The following PACS1 variants were observed in gnomAD, a reference collection of about 807,000 sequenced individuals.
PACS1 encodes the protein PACS-1.
In PACS1, 24 loss-of-function variants were observed where a neutral mutation model predicts 115.0. The ratio of observed to expected loss-of-function variants is 0.21; its 90% CI spans 0.15 to 0.29. The LOEUF is 0.29. PACS1 is among the 10% of genes least tolerant of loss of function. The pLI is 1.00. For synonymous variants in PACS1, 453 were observed against 504.5 expected, an observed-to-expected ratio of 0.90 and a Z score of 1.37; for missense variants, 838 against 1,251.2, an observed-to-expected ratio of 0.67 and a Z score of 4.98.
At chr11:66,123,511 T>A (rs536562664) in intron 1 of PACS1, among the ~76,000 whole-genome samples, 18 of 148,802 alleles carry the variant, frequency 1.2e-4, no homozygotes, top group Non-Finnish European at 2.2e-4. Flanking sequence ...ATTTTTATTT[T>A]TTTATTTTAT....
chr11:66,120,447 C>A (rs1858412252), intron 1 of PACS1, among the ~76,000 whole-genome samples: 1 of 152,102 alleles, frequency 6.6e-6, no homozygotes, highest in African/African-American at 2.4e-5. Context: ...TGTGAAATAG[C>A]TGGATTTAGG....
chr11:66,105,384 T>C (rs758718090), intron 1 of PACS1, among the ~76,000 whole-genome samples: 2 of 152,052 alleles, frequency 1.3e-5, no homozygotes, highest in Non-Finnish European at 2.9e-5. Context: ...GACTGCGCCA[T>C]TGCACTCCAT....
rs1266648431 is a variant in PACS1 at position 66,211,112 on chromosome 11, G to A, written c.535-22G>A. The A allele has an allele frequency of 9.9e-6, 16 of 1,612,178 alleles. 1 individual carries two copies. Among genetic ancestry groups the A allele is most frequent in the African/African-American group, 2.7e-5 (2 of 74,880 alleles). ...ACCCAGCTGCCCATTAACCACGCTC[G>A]ACTCTGTTTTGTATTTCGTAGTACC... is the stretch of plus-strand genomic sequence containing the variant. On this transcript the variant is annotated intron_variant, in intron 3 of 23. Transcript: ENST00000320580.
chr11:66,211,048 A>G, intron 3 of PACS1, 86 bp from the exon 4 acceptor site: 1 of 1,460,658 alleles, frequency 6.8e-7, no homozygotes, highest in Non-Finnish European at 9.5e-7. Flanking sequence ...GAAGAATTGA[A>G]GCACAGAAAG....
chr11:66,242,537 A>G (rs1490607633), intron 22 of PACS1, among the ~76,000 whole-genome samples: 1 of 152,212 alleles, frequency 6.6e-6, no homozygotes, highest in African/African-American at 2.4e-5. Context: ...GGACAGCGTG[A>G]GGACAAACTC....
At chr11:66,071,743 G>C (rs142099846) in intron 1 of PACS1, among the ~76,000 whole-genome samples, 1 of 152,316 alleles carries the variant, frequency 6.6e-6, no homozygotes, top group African/African-American at 2.4e-5. Flanking sequence ...TAGCTGAGTT[G>C]ATTCTGTTGC....
chr11:66,168,605 C>T (rs1859662522), intron 1 of PACS1, among the ~76,000 whole-genome samples: 1 of 150,282 alleles, frequency 6.7e-6, no homozygotes, highest in African/African-American at 2.5e-5. Context: ...CTCTGTGCCT[C>T]ATTTTCCTCA....
At chr11:66,113,762 G>A (rs767422726) in intron 1 of PACS1, among the ~76,000 whole-genome samples, 3 of 152,124 alleles carry the variant, frequency 2.0e-5, no homozygotes, top group African/African-American at 7.2e-5. Context: ...TCAAACTCTT[G>A]CTCTGACATT....
intron 1 of PACS1, among the ~76,000 whole-genome samples, chr11:66,124,378 A>G (rs1320381602): frequency 6.6e-6 from 1 of 152,216 alleles, no homozygotes; most frequent in Non-Finnish European, 1.5e-5. Flanking sequence ...GTCTTCATCT[A>G]TAAAATGGGA....
intron 11 of PACS1, among the ~76,000 whole-genome samples, chr11:66,230,160 A>G (rs1457851972): frequency 2.6e-5 from 4 of 151,608 alleles, no homozygotes; most frequent in African/African-American, 9.7e-5. Context: ...AAAAGAAAAA[A>G]AAAAAAGGAA....
rs202211908 is a variant in PACS1, at chr11:66,146,154, A to AT, written c.357-47332_357-47331insT. 4.8e-3 allele frequency among the ~76,000 whole-genome samples: 734 copies of AT among 152,320 alleles called. 8 individuals are homozygous for AT. Among genetic ancestry groups the AT allele is most frequent in the African/African-American group, 0.015 (605 of 41,562 alleles). Reference sequence around the variant, plus strand: ...AACAAACACTAATGGGACAAAAAAAACAGGAAAGGGTGGTTCATATTCAGG... The same window carrying AT: ...AACAAACACTAATGGGACAAAAAAAATCAGGAAAGGGTGGTTCATATTCAGG... On this transcript the variant is annotated intron_variant, in intron 1 of 23. Transcript: ENST00000320580.
At chr11:66,173,477 G>C (rs574245916) in intron 1 of PACS1, among the ~76,000 whole-genome samples, 1 of 152,262 alleles carries the variant, frequency 6.6e-6, no homozygotes, top group South Asian at 2.1e-4. Context: ...GGAGGCCGAG[G>C]CAAGCGGATC....
Position 66,070,902 on chromosome 11 carries a change from C to T in PACS1, c.356+60C>T, listed in dbSNP as rs2134487115. ...AGCGGGGTGGCCGCCGGGGCCCAGC[C>T]CTCCCCGCCCCAGCGCCCATGGGGT... is the stretch of plus-strand genomic sequence containing the variant. On this transcript the variant is annotated intron_variant, in intron 1 of 23. Coordinates refer to ENST00000320580, the MANE Select transcript of PACS1 (RefSeq NM_018026.4). The surrounding 1 kb of genome is among the most constrained non-coding windows in gnomAD (Gnocchi z 5.9). 2 of 1,364,342 alleles carry T rather than the reference C, an allele frequency of 1.5e-6. No individual in the cohort carries two copies. The highest frequency in any genetic ancestry group is 1.9e-6 in the Non-Finnish European group (2 of 1,065,016). The allele number at this position is 1,364,342 out of a possible 1,614,324, so 84.5% of individuals were successfully genotyped here.
At chr11:66,098,819 A>T (rs1857844656) in intron 1 of PACS1, among the ~76,000 whole-genome samples, 1 of 152,098 alleles carries the variant, frequency 6.6e-6, no homozygotes, top group Non-Finnish European at 1.5e-5. Flanking sequence ...CGGATCTTAT[A>T]GTATTTCCTT....
At chr11:66,200,578 G>T (rs1319007809) in intron 2 of PACS1, among the ~76,000 whole-genome samples, 2 of 151,610 alleles carry the variant, frequency 1.3e-5, no homozygotes, top group East Asian at 1.9e-4. Context: ...AATGATAAAG[G>T]GGTCAACTCA....
chr11:66,169,699 G>A (rs11227420), intron 1 of PACS1, among the ~76,000 whole-genome samples: 31,783 of 149,150 alleles, frequency 0.21, 4,229 homozygotes, highest in Middle Eastern at 0.28. Flanking sequence ...ACAGGTGTGA[G>A]TCACTGTGCC....
At chr11:66,152,974 C>G (rs1470058258) in intron 1 of PACS1, among the ~76,000 whole-genome samples, 1 of 152,132 alleles carries the variant, frequency 6.6e-6, no homozygotes, top group African/African-American at 2.4e-5. Flanking sequence ...CAGCAGACTT[C>G]CACTAAAAGA....
chr11:66,189,404 A>G (rs774079782), intron 1 of PACS1, among the ~76,000 whole-genome samples: 4 of 152,198 alleles, frequency 2.6e-5, no homozygotes, highest in Non-Finnish European at 4.4e-5. Context: ...TTGTCTATTT[A>G]TTCAACAAAT....
chr11:66,162,126 T>G (rs1316513678), intron 1 of PACS1, among the ~76,000 whole-genome samples: 3 of 131,476 alleles, frequency 2.3e-5, no homozygotes, highest in Admixed American at 7.6e-5. Flanking sequence ...TTTTTTTTTT[T>G]TTTTTTTTTT....
Sources: gnomAD v4.1 joint callset for allele counts (sites outside exome capture counted in the v4.1 genomes callset) on GRCh38, gnomAD v4.1.1 for gene constraint, Gnocchi (gnomAD v3.1) non-coding constraint, MANE v1.5 for transcripts, NCBI Gene and HGNC (gene_info 2026-07-23, HGNC 2026-07-21) for gene names.